The following NDFIP1 variants were observed in gnomAD, a reference collection of about 807,000 sequenced individuals.
NDFIP1 encodes the protein NEDD4 family-interacting protein 1.
In NDFIP1, 7 loss-of-function variants were observed where a neutral mutation model predicts 28.8. The observed-to-expected ratio is 0.24, with a 90% CI of 0.14 to 0.46. The LOEUF is 0.46. Ranked by LOEUF, NDFIP1 falls within the 20% of genes least tolerant of loss-of-function variation. The pLI is 0.99. For synonymous variants in NDFIP1, 92 were observed against 101.0 expected (o/e 0.91, Z 0.53); for missense variants, 194 against 269.1 (o/e 0.72, Z 1.95).
intron 7 of NDFIP1, among the ~76,000 whole-genome samples, chr5:142,148,875 C>A (rs553790572): frequency 1.3e-5 from 2 of 150,822 alleles, no homozygotes; most frequent in East Asian, 3.9e-4. Context: ...TCTTATTTAC[C>A]AGTTCACTGG....
intron 1 of NDFIP1, among the ~76,000 whole-genome samples, chr5:142,127,647 G>GA (rs1174828179): frequency 6.6e-6 from 1 of 152,010 alleles, no homozygotes; most frequent in Non-Finnish European, 1.5e-5. Flanking sequence ...GCTGTATTTG[G>GA]AAAAAATGCC....
Position 142,135,670 on chromosome 5 carries a change from C to T in NDFIP1, c.283-60C>T, listed in dbSNP as rs771529824. On this transcript the variant is annotated intron_variant, in intron 3 of 7. Transcript: ENST00000253814. ...TTTTTCCTTGCTACTCAAATTTAAC[C>T]CTTCATTTTTCTTTATGTCTTCCCT... 30 of 1,440,044 alleles carry T rather than the reference C, an allele frequency of 2.1e-5. No homozygotes were observed. The Middle Eastern group carries it at 8.8e-4, about 42-fold the overall frequency. The allele number at this position is 1,440,044 out of a possible 1,614,324, so 89.2% of individuals were successfully genotyped here.
At position 142,139,937 on chromosome 5, in the gene NDFIP1, A is replaced by G. The variant is rs375685250; in HGVS notation, c.496-626A>G. Among the ~76,000 whole-genome samples the G allele has an allele frequency of 3.3e-5, 5 of 152,340 alleles. No individual in the cohort carries two copies. In the East Asian group the frequency reaches 7.7e-4, roughly 23 times the overall value. Reference sequence around the variant, plus strand: ...TATTGAAACACATTTCTAGAAGAGCAAATATTATGTGGGGAAAATGTTTTC... The same window carrying G: ...TATTGAAACACATTTCTAGAAGAGCGAATATTATGTGGGGAAAATGTTTTC... On this transcript the variant is annotated intron_variant, in intron 5 of 7. Coordinates refer to ENST00000253814, the MANE Select transcript of NDFIP1 (RefSeq NM_030571.4).
chr5:142,146,735 A>G (rs985208505), intron 7 of NDFIP1, among the ~76,000 whole-genome samples: 11 of 152,124 alleles, frequency 7.2e-5, no homozygotes, highest in African/African-American at 2.2e-4. Flanking sequence ...CTGAATCTTT[A>G]TTAGGGGATT....
At chr5:142,146,140 T>C (rs1256181451) in intron 7 of NDFIP1, among the ~76,000 whole-genome samples, 2 of 152,322 alleles carry the variant, frequency 1.3e-5, no homozygotes, top group Non-Finnish European at 2.9e-5. Context: ...GCATTTTACA[T>C]GGATAATTAA....
chr5:142,139,063 C>CA (rs1287771944), intron 5 of NDFIP1, among the ~76,000 whole-genome samples: 4 of 150,722 alleles, frequency 2.7e-5, no homozygotes, highest in East Asian at 1.9e-4. Flanking sequence ...TAAAAAAATA[C>CA]AAAAAAAATA....
At chr5:142,115,787 G>A (rs1037683814) in intron 1 of NDFIP1, among the ~76,000 whole-genome samples, 7 of 152,026 alleles carry the variant, frequency 4.6e-5, no homozygotes, top group South Asian at 2.1e-4. Context: ...GGCTAGGTGG[G>A]GGTATGAGTT....
intron 1 of NDFIP1, among the ~76,000 whole-genome samples, chr5:142,112,765 G>A (rs1227994278): frequency 1.4e-5 from 2 of 147,706 alleles, no homozygotes; most frequent in South Asian, 2.2e-4. Flanking sequence ...CAGGCTGGGC[G>A]ACGAAGTGAG....
At position 142,108,992 on chromosome 5, in the gene NDFIP1, G is replaced by T; in HGVS notation, c.18G>T (p.Ala6=). 1.4e-6 allele frequency: 2 copies of T among 1,444,982 alleles called. 1 individual carries two copies. Among genetic ancestry groups the T allele is most frequent in the Non-Finnish European group, 1.8e-6 (2 of 1,102,162 alleles). 89.5% of individuals were successfully genotyped at this position (1,444,982 alleles called of 1,614,324 possible). A position where few individuals can be genotyped will look rare whatever the true frequency, so the allele number is the denominator to read the frequency against. Residue 6 remains alanine (A), a synonymous_variant, in exon 1 of 8, where the codon GCG becomes GCT. Coordinates refer to ENST00000253814, the MANE Select transcript of NDFIP1 (RefSeq NM_030571.4). MALAL[A]ALAAVEPACG... ...GCTGCGCCATGGCGTTGGCGTTGGC[G>T]GCGCTGGCGGCGGTCGAGCCGGCCT...
At chr5:142,144,921 G>A (rs1757372935) in intron 7 of NDFIP1, among the ~76,000 whole-genome samples, 1 of 152,200 alleles carries the variant, frequency 6.6e-6, no homozygotes, top group African/African-American at 2.4e-5. Context: ...TGTGAAAGAG[G>A]CAGGGGTCTT....
intron 1 of NDFIP1, among the ~76,000 whole-genome samples, chr5:142,119,466 A>G (rs182720955): frequency 6.6e-6 from 1 of 152,360 alleles, no homozygotes; most frequent in Non-Finnish European, 1.5e-5. Flanking sequence ...GGTTGTTTCA[A>G]ACATTTATAA....
At chr5:142,147,494 A>G (rs1325124297) in intron 7 of NDFIP1, among the ~76,000 whole-genome samples, 2 of 152,328 alleles carry the variant, frequency 1.3e-5, no homozygotes, top group Admixed American at 6.5e-5. Flanking sequence ...GCTAATTCCA[A>G]CATCAGGTTA....
At chr5:142,146,427 T>C (rs1301544014) in intron 7 of NDFIP1, among the ~76,000 whole-genome samples, 1 of 152,240 alleles carries the variant, frequency 6.6e-6, no homozygotes, top group Non-Finnish European at 1.5e-5. Flanking sequence ...TTGTCATCTT[T>C]CATCTATATA....
At chr5:142,145,234 A>G (rs1159710319) in intron 7 of NDFIP1, among the ~76,000 whole-genome samples, 3 of 152,218 alleles carry the variant, frequency 2.0e-5, no homozygotes, top group Non-Finnish European at 1.5e-5. Context: ...AGGAAGGTCA[A>G]ACTCAAGAAA....
chr5:142,142,072 G>C (rs1308145381), intron 6 of NDFIP1, among the ~76,000 whole-genome samples: 1 of 152,136 alleles, frequency 6.6e-6, no homozygotes, highest in Non-Finnish European at 1.5e-5. Context: ...AGGAGTTGGA[G>C]CCTGCAGTGA....
chr5:142,132,051 C>A, intron 2 of NDFIP1, 156 bp downstream of exon 2: 1 of 1,029,716 alleles, frequency 9.7e-7, no homozygotes, highest in South Asian at 1.8e-5. Context: ...ATTTAAAAAT[C>A]ACCCCCAGTC....
chr5:142,131,095 CA>C (rs1757222701), intron 1 of NDFIP1, among the ~76,000 whole-genome samples: 1 of 150,926 alleles, frequency 6.6e-6, no homozygotes, highest in South Asian at 2.1e-4. Context: ...GCTAGAACCA[CA>C]GGTGCATGCC....
intron 1 of NDFIP1, among the ~76,000 whole-genome samples, chr5:142,131,378 G>A (rs374660993): frequency 1.1e-4 from 17 of 151,970 alleles, no homozygotes; most frequent in East Asian, 5.8e-4. Context: ...GGGTTAAAAC[G>A]ATTCTTGTGC....
At position 142,119,967 on chromosome 5, in the gene NDFIP1, T is replaced by A. The variant is rs139254618; in HGVS notation, c.63+10930T>A. 2.7e-3 allele frequency among the ~76,000 whole-genome samples: 406 copies of A among 152,306 alleles called. 2 individuals carry two copies. The highest frequency in any genetic ancestry group is 9.3e-3 in the African/African-American group (388 of 41,584). ...CTTGTTGTCAAATTATTATTATTAT[T>A]ATTTTTGAGACGGAGTCTCGCTCTG... On this transcript the variant is annotated intron_variant, in intron 1 of 7. Transcript: ENST00000253814.
Sources: gnomAD v4.1 joint callset for allele counts (sites outside exome capture counted in the v4.1 genomes callset) on GRCh38, gnomAD v4.1.1 for gene constraint, MANE v1.5 for transcripts, NCBI Gene and HGNC (gene_info 2026-07-23, HGNC 2026-07-21) for gene names.